The following HERC1 variants were observed in gnomAD, a reference collection of about 807,000 sequenced individuals.
HERC1 encodes HECT and RLD domain containing E3 ubiquitin protein ligase family member 1.
In HERC1, 160 loss-of-function variants were observed where a neutral mutation model predicts 554.3. That is an observed-to-expected ratio of 0.29 (90% CI 0.25 to 0.33). The LOEUF is 0.33. HERC1 is among the 10% of genes least tolerant of loss of function. HERC1 has a pLI of 1.00. For synonymous variants in HERC1, 2,175 were observed against 2,131.7 expected (o/e 1.02, Z -0.56); for missense variants, 4,919 against 5,918.5 (o/e 0.83, Z 5.54).
intron 2 of HERC1, 115 bp from the exon 3 acceptor site, chr15:63,764,306 G>C (rs1189670675): frequency 2.9e-6 from 2 of 684,596 alleles, no homozygotes; most frequent in Non-Finnish European, 5.0e-6. Context: ...ATATAATTAT[G>C]TGCACTGAAA....
At position 63,716,317 on chromosome 15, in the gene HERC1, C is replaced by T. The variant is rs1403788715; in HGVS notation, c.4135G>A (p.Val1379Met). The T allele has an allele frequency of 6.2e-7, 1 of 1,613,578 alleles. No homozygotes were observed. The highest frequency in any genetic ancestry group is 1.3e-5 in the African/African-American group (1 of 74,888). ...GTATACTCACTGCCAGCTGTCATCACTTCATGTTCCCGTTCCTCCTCTTCA... is the reference window on the plus strand; with the variant it reads ...GTATACTCACTGCCAGCTGTCATCATTTCATGTTCCCGTTCCTCCTCTTCA... ...EDEEEEREHE[V>M]MTAGKIFQCF... The change falls in exon 22 of 78, where the codon GTG (valine) becomes ATG (methionine). Residue 1379 changes from valine to methionine, a missense_variant. Val to Met is a conservative substitution (Grantham distance 21). Transcript: ENST00000443617.
chr15:63,784,461 G>T lies in HERC1; in HGVS notation c.-26-8812C>A, dbSNP rs1403018393. Among the ~76,000 whole-genome samples, 6 of 152,148 alleles carry T rather than the reference G, an allele frequency of 3.9e-5. No homozygotes were observed. In the East Asian group the frequency reaches 1.2e-3, roughly 29 times the overall value. ...TATTAAAAAGGGTTTAATAATAAAT[G>T]CTGAAAACATTTTTTTAAAACCTAG... On this transcript the variant is annotated intron_variant, in intron 1 of 77. Transcript: ENST00000443617.
chr15:63,685,605 C>A (rs527367219), intron 34 of HERC1, among the ~76,000 whole-genome samples: 7 of 152,184 alleles, frequency 4.6e-5, no homozygotes, highest in Non-Finnish European at 8.8e-5. Context: ...TCTGTTGTAA[C>A]TGGCTAAGTC....
intron 10 of HERC1, among the ~76,000 whole-genome samples, chr15:63,748,836 A>G (rs914400828): frequency 7.2e-5 from 11 of 152,150 alleles, no homozygotes; most frequent in South Asian, 2.1e-4. Flanking sequence ...TTAAAATTCA[A>G]TCTCCTAATA....
chr15:63,610,600 A>C (rs531975677), intron 77 of HERC1, among the ~76,000 whole-genome samples: 1 of 152,366 alleles, frequency 6.6e-6, no homozygotes, highest in African/African-American at 2.4e-5. Flanking sequence ...AGTCATGCAG[A>C]AAATTTATGG....
At chr15:63,674,107 T>C (rs1338767013) in intron 38 of HERC1, among the ~76,000 whole-genome samples, 1 of 152,150 alleles carries the variant, frequency 6.6e-6, no homozygotes, top group Non-Finnish European at 1.5e-5. Context: ...TAGTAATAAT[T>C]GCTGTGTTCT....
chr15:63,798,286 T>C (rs74019020), intron 1 of HERC1, among the ~76,000 whole-genome samples: 1,891 of 152,308 alleles, frequency 0.012, 36 homozygotes, highest in African/African-American at 0.044. Flanking sequence ...GTTACTCCCT[T>C]AGTGAAAACC....
At position 63,755,289 on chromosome 15, in the gene HERC1, C is replaced by A; in HGVS notation, c.1570G>T (p.Ala524Ser). ...VCVSAGYRHS[A>S]AVTEDGELYT... ...AATTCCCCATCCTCTGTGACAGCAGCACTATGTCTGTATCCAGCTGACACA... is the reference window on the plus strand; with the variant it reads ...AATTCCCCATCCTCTGTGACAGCAGAACTATGTCTGTATCCAGCTGACACA... Residue 524 changes from alanine (A) to serine (S), a missense_variant, in exon 6 of 78, where the codon GCT becomes TCT. Coordinates refer to ENST00000443617, the MANE Select transcript of HERC1 (RefSeq NM_003922.4). The A allele has an allele frequency of 6.2e-7, 1 of 1,613,916 alleles. No homozygotes were observed.
At chr15:63,628,616 AGTGCCATGGG>A in intron 70 of HERC1, 51 bp downstream of exon 70, 1 of 1,499,046 alleles carries the variant, frequency 6.7e-7, no homozygotes, top group Non-Finnish European at 8.9e-7. Flanking sequence ...GCAAGCAGAC[AGTGCCATGGG>A]GTACTGCTAA....
chr15:63,790,586 A>AT (rs543195281), intron 1 of HERC1, among the ~76,000 whole-genome samples: 10 of 147,434 alleles, frequency 6.8e-5, no homozygotes, highest in South Asian at 2.1e-4. Context: ...TCAAAAAAAA[A>AT]TTTTTTTTTT....
chr15:63,612,176 AG>A lies in HERC1; in HGVS notation c.14400+74del. 7.5e-7 allele frequency: 1 copy of A among 1,330,830 alleles called. No individual in the cohort carries two copies. Among genetic ancestry groups the A allele is most frequent in the Non-Finnish European group, 1.0e-6 (1 of 972,008 alleles). 82.4% of individuals were successfully genotyped at this position (1,330,830 alleles called of 1,614,324 possible). A position where few individuals can be genotyped will look rare whatever the true frequency, so the allele number is the denominator to read the frequency against. Reference sequence around the variant, plus strand: ...GCACTCCAGCCTGGGCCACAGAGTGAGACCCTGTCTCAACAAAAACAACAAT... The same window carrying A: ...GCACTCCAGCCTGGGCCACAGAGTGAACCCTGTCTCAACAAAAACAACAAT... On this transcript the variant is annotated intron_variant, in intron 77 of 77. Transcript: ENST00000443617. This position sits in a 1 kb window ranked among gnomAD's most constrained non-coding sequence, Gnocchi z 5.0.
At chr15:63,790,445 C>T (rs1291332839) in intron 1 of HERC1, among the ~76,000 whole-genome samples, 1 of 151,834 alleles carries the variant, frequency 6.6e-6, no homozygotes, top group Non-Finnish European at 1.5e-5. Context: ...GGGGTAGTGG[C>T]GGGCGCCTTG....
chr15:63,821,958 T>TA (rs1202997544), intron 1 of HERC1, among the ~76,000 whole-genome samples: 13 of 151,746 alleles, frequency 8.6e-5, no homozygotes, highest in African/African-American at 1.2e-4. Flanking sequence ...ATAAGTGCCA[T>TA]AAAAAAAAGT....
intron 1 of HERC1, among the ~76,000 whole-genome samples, chr15:63,801,136 G>A (rs1411747714): frequency 6.6e-6 from 1 of 152,120 alleles, no homozygotes; most frequent in Non-Finnish European, 1.5e-5. Flanking sequence ...CCTGTATCTT[G>A]CCCTATGCAT....
In HERC1 at chr15:63,690,617, C is replaced by A. The variant is rs760039351; in HGVS notation, c.5861G>T (p.Arg1954Met). The change falls in exon 32 of 78, where the codon AGG (arginine) becomes ATG (methionine). Residue 1954 changes from arginine to methionine, a missense_variant. Arg to Met is a moderately conservative substitution (Grantham distance 91). Around this residue, in one of 11 missense-constraint regions of HERC1, gnomAD observed 1,121 missense variants for 1,244.0 expected, o/e 0.90. Coordinates refer to ENST00000443617, the MANE Select transcript of HERC1 (RefSeq NM_003922.4). ...GIPLVGNLRTRLLALHVLEAV... is the reference protein window; with the variant it reads ...GIPLVGNLRTMLLALHVLEAV... ...TTCAAGGACATGAAGTGCAAGGAGC[C>A]TTGTTCTTAAGTTACCAACCAGAGG... 1 of 1,612,404 alleles carries A rather than the reference C, an allele frequency of 6.2e-7. No individual in the cohort carries two copies. Among genetic ancestry groups the A allele is most frequent in the Non-Finnish European group, 8.5e-7 (1 of 1,178,666 alleles).
intron 18 of HERC1, among the ~76,000 whole-genome samples, 181 bp downstream of exon 18, chr15:63,725,111 A>G (rs1052828502): frequency 3.9e-5 from 6 of 152,140 alleles, no homozygotes; most frequent in Non-Finnish European, 7.4e-5. Context: ...TCTTTTCACC[A>G]TATTGTGCTG....
chr15:63,616,345 T>A (rs2067817332), intron 75 of HERC1, 85 bp downstream of exon 75: 2 of 1,384,724 alleles, frequency 1.4e-6, no homozygotes, highest in Non-Finnish European at 2.0e-6. Context: ...AGTGGAAGAC[T>A]GTATCTCAAT....
intron 1 of HERC1, among the ~76,000 whole-genome samples, chr15:63,794,638 G>A (rs953324206): frequency 1.3e-5 from 2 of 152,110 alleles, no homozygotes; most frequent in African/African-American, 2.4e-5. Context: ...CAGGAGACAT[G>A]AGGAAGACCA....
Position 63,758,365 on chromosome 15 carries a change from C to T in HERC1, c.1031G>A (p.Cys344Tyr). 1 of 1,577,074 alleles carries T rather than the reference C, an allele frequency of 6.3e-7. No homozygotes were observed. Among genetic ancestry groups the T allele is most frequent in the Non-Finnish European group, 8.7e-7 (1 of 1,151,186 alleles). Residue 344 changes from cysteine to tyrosine, a missense_variant, in exon 4 of 78, where the codon TGC (cysteine) becomes TAC (tyrosine). Transcript: ENST00000443617. This position sits in a 1 kb window ranked among gnomAD's most constrained non-coding sequence, Gnocchi z 4.0. ...TCTCGAATAATCAGAAGCCATTCTG[C>T]AAACCTATTAAAAATTTAAAATATG... is the stretch of plus-strand genomic sequence containing the variant. ...EAALCLFEEV[C>Y]RMASDYSRTC... is the part of the protein sequence containing the mutation.
Sources: allele counts gnomAD v4.1 joint callset (sites outside exome capture counted in the v4.1 genomes callset), GRCh38; gene constraint gnomAD v4.1.1; regional missense constraint gnomAD v4.1.1; non-coding constraint Gnocchi (gnomAD v3.1); transcripts MANE v1.5; gene names NCBI Gene and HGNC (gene_info 2026-07-23, HGNC 2026-07-21).